The following PPARGC1A variants were observed in gnomAD, a reference collection of about 807,000 sequenced individuals.
The protein encoded by PPARGC1A is peroxisome proliferator-activated receptor gamma coactivator 1-alpha.
Under a neutral mutation model 88.7 loss-of-function variants are expected in PPARGC1A, and 25 were observed. That is an observed-to-expected ratio of 0.28 (90% CI 0.21 to 0.39). The LOEUF (loss-of-function observed/expected upper bound fraction) is 0.39, where lower values mean the gene tolerates loss of function less well. Ranked by LOEUF, PPARGC1A falls within the 10% of genes least tolerant of loss-of-function variation. PPARGC1A has a pLI of 1.00. For missense variants in PPARGC1A, 880 were observed against 968.7 expected, an observed-to-expected ratio of 0.91 and a Z score of 1.22; for synonymous variants, 363 against 355.6, an observed-to-expected ratio of 1.02 and a Z score of -0.24.
At chr4:24,133,893 A>C in the PPARGC1A span, among the ~76,000 whole-genome samples, 3 of 152,220 alleles carry the variant, frequency 2.0e-5, no homozygotes, top group Middle Eastern at 3.2e-3. Context: ...CTTAAATCCT[A>C]AACTGTCCCT....
chr4:24,076,395 A>G, the PPARGC1A span, among the ~76,000 whole-genome samples: 1 of 152,168 alleles, frequency 6.6e-6, no homozygotes, highest in African/African-American at 2.4e-5. Context: ...CATTCTGCCT[A>G]TTCTTAGCAT....
At chr4:24,435,917 G>C in the PPARGC1A span, among the ~76,000 whole-genome samples, 1 of 152,126 alleles carries the variant, frequency 6.6e-6, no homozygotes, top group Non-Finnish European at 1.5e-5. Flanking sequence ...GGCCTCAGTC[G>C]CTAATACTGA....
chr4:24,421,103 T>A, the PPARGC1A span, among the ~76,000 whole-genome samples: 1 of 152,028 alleles, frequency 6.6e-6, no homozygotes, highest in African/African-American at 2.4e-5. Flanking sequence ...CATATACATT[T>A]TGGAGCGACA....
chr4:24,342,321 G>C, the PPARGC1A span, among the ~76,000 whole-genome samples: 1 of 152,066 alleles, frequency 6.6e-6, no homozygotes, highest in Non-Finnish European at 1.5e-5. Context: ...GTGTGGGTGA[G>C]TGTGTGTGTG....
chr4:24,062,590 G>A, the PPARGC1A span, among the ~76,000 whole-genome samples: 2 of 152,288 alleles, frequency 1.3e-5, no homozygotes, highest in Non-Finnish European at 2.9e-5. Context: ...GCCCCCAGTG[G>A]TAGGGCAGAA....
At chr4:23,890,695 G>T (rs562319845), upstream of PPARGC1A, among the ~76,000 whole-genome samples, 1 of 146,956 alleles carries the variant, frequency 6.8e-6, no homozygotes, top group South Asian at 2.2e-4. Context: ...CCAGAATTCG[G>T]CTGCCCCCAT....
At chr4:23,996,455 G>A in the PPARGC1A span, among the ~76,000 whole-genome samples, 1 of 152,118 alleles carries the variant, frequency 6.6e-6, no homozygotes, top group African/African-American at 2.4e-5. Flanking sequence ...CATGAAGCAA[G>A]TTTGCTGCTT....
the PPARGC1A span, among the ~76,000 whole-genome samples, chr4:23,936,637 C>T: frequency 1.3e-5 from 2 of 151,970 alleles, no homozygotes; most frequent in African/African-American, 4.8e-5. Context: ...TTTGGTAGGC[C>T]GAGGCGGGTG....
the PPARGC1A span, among the ~76,000 whole-genome samples, chr4:24,162,003 C>T: frequency 1.4e-5 from 2 of 144,652 alleles, no homozygotes; most frequent in Non-Finnish European, 3.0e-5. Context: ...CACACACACA[C>T]ACACACACAC....
the PPARGC1A span, among the ~76,000 whole-genome samples, chr4:24,305,667 C>A: frequency 6.6e-6 from 1 of 152,104 alleles, no homozygotes; most frequent in East Asian, 1.9e-4. Context: ...ACAAAATTAG[C>A]CGGATGTGGT....
At chr4:23,918,749 T>A in the PPARGC1A span, among the ~76,000 whole-genome samples, 1 of 152,256 alleles carries the variant, frequency 6.6e-6, no homozygotes, top group African/African-American at 2.4e-5. Flanking sequence ...ATGCTGACTA[T>A]CAGAAATTGT....
the PPARGC1A span, among the ~76,000 whole-genome samples, chr4:24,226,203 G>T: frequency 6.6e-6 from 1 of 152,154 alleles, no homozygotes; most frequent in East Asian, 1.9e-4. Flanking sequence ...ATGTGCTCAC[G>T]TTTGTCTGAA....
chr4:24,354,408 C>T, the PPARGC1A span, among the ~76,000 whole-genome samples: 45 of 152,276 alleles, frequency 3.0e-4, no homozygotes, highest in African/African-American at 1.0e-3. Context: ...GACTACCACA[C>T]AAGAGCACTT....
the PPARGC1A span, among the ~76,000 whole-genome samples, chr4:24,284,750 C>A: frequency 5.3e-3 from 807 of 152,256 alleles, 9 homozygotes; most frequent in East Asian, 0.028. Context: ...AGAAGAAGCC[C>A]GGGCACGGTG....
At chr4:24,470,322 A>ACACACACACACACACACACC in the PPARGC1A span, among the ~76,000 whole-genome samples, 1 of 116,666 alleles carries the variant, frequency 8.6e-6, no homozygotes. This position sits in a 1 kb window ranked among gnomAD's most constrained non-coding sequence, Gnocchi z 5.8. Context: ...ACACACACAC[A>ACACACACACACACACACACC]CACTCTCTCA....
At chr4:24,028,008 A>T in the PPARGC1A span, among the ~76,000 whole-genome samples, 3 of 152,140 alleles carry the variant, frequency 2.0e-5, no homozygotes, top group African/African-American at 7.2e-5. Context: ...TCCCCATTTA[A>T]TAGGTGAGGA....
the PPARGC1A span, among the ~76,000 whole-genome samples, chr4:24,203,244 T>C: frequency 7.9e-5 from 12 of 152,268 alleles, no homozygotes; most frequent in Non-Finnish European, 1.5e-4. Flanking sequence ...AGTTGTTTCA[T>C]TAAGAATGAC....
the PPARGC1A span, among the ~76,000 whole-genome samples, chr4:24,345,974 G>A: frequency 2.0e-5 from 3 of 152,252 alleles, no homozygotes; most frequent in Admixed American, 2.0e-4. Flanking sequence ...ATTTTGCTGA[G>A]AGTTTTAATC....
chr4:23,901,369 CAAAAAAAAAA>C (rs766239228), upstream of PPARGC1A, among the ~76,000 whole-genome samples: 2 of 71,734 alleles, frequency 2.8e-5, no homozygotes, highest in African/African-American at 1.2e-4. Context: ...GACTCCGTCT[CAAAAAAAAAA>C]AAAAAAAAAA....
Sources: allele counts gnomAD v4.1 joint callset (sites outside exome capture counted in the v4.1 genomes callset), GRCh38; gene constraint gnomAD v4.1.1; non-coding constraint Gnocchi (gnomAD v3.1); transcripts MANE v1.5; gene names NCBI Gene and HGNC (gene_info 2026-07-23, HGNC 2026-07-21).